Variants in DNAJB5 observed in about 807,000 individuals in gnomAD.
DNAJB5 encodes the protein dnaJ homolog subfamily B member 5.
A neutral mutation model predicts 32.6 loss-of-function variants in DNAJB5; 12 were observed. The ratio of observed to expected loss-of-function variants is 0.37; its 90% CI spans 0.24 to 0.60. DNAJB5 has a LOEUF of 0.60. Ranked by LOEUF, DNAJB5 falls within the 20% of genes least tolerant of loss-of-function variation. The pLI, the probability that DNAJB5 is intolerant of heterozygous loss-of-function variation, is 0.71. For missense variants in DNAJB5, 358 were observed against 554.2 expected, an observed-to-expected ratio of 0.65 and a Z score of 3.55; for synonymous variants, 188 against 212.9, an observed-to-expected ratio of 0.88 and a Z score of 1.02.
chr9:34,994,012 C>G (rs920210775), intron 3 of DNAJB5, among the ~76,000 whole-genome samples: 9 of 152,184 alleles, frequency 5.9e-5, no homozygotes, highest in Non-Finnish European at 1.0e-4. Context: ...GGCATCTTCC[C>G]CCTTCCCTGG....
In DNAJB5 at chr9:34,996,868, TG is replaced by T; in HGVS notation, c.1029+6del. 3 of 1,603,164 alleles carry T rather than the reference TG, an allele frequency of 1.9e-6. No homozygotes were observed. The highest frequency in any genetic ancestry group is 2.6e-6 in the Non-Finnish European group (3 of 1,174,316). On this transcript the variant is annotated splice_donor_region_variant and intron_variant, in intron 4 of 4. Coordinates refer to ENST00000682809, the MANE Select transcript of DNAJB5 (RefSeq NM_001349723.3). The surrounding 1 kb of genome is among the most constrained non-coding windows in gnomAD (Gnocchi z 7.2). ...AGTGCCCTGATCAGCCTCAAGGAGGTGGGGCCTAGTCAGGCTGTGTGTGTGT... is the reference window on the plus strand; with the variant it reads ...AGTGCCCTGATCAGCCTCAAGGAGGTGGGCCTAGTCAGGCTGTGTGTGTGT...
chr9:34,997,028 G>T lies in DNAJB5; in HGVS notation c.1032G>T (p.Ala344=), dbSNP rs759476433. 3 of 1,612,328 alleles carry T rather than the reference G, an allele frequency of 1.9e-6. No homozygotes were observed. The highest frequency in any genetic ancestry group is 1.7e-5 in the Admixed American group (1 of 60,022). ...LYSALISLKE[A]LCGCTVNIPT... is the part of the protein sequence containing the mutation. ...ACTTTCTGCTTCGTCTTTCCCAGGC[G>T]CTGTGTGGCTGCACTGTGAACATTC... The change falls in exon 5 of 5, where the codon GCG becomes GCT. Residue 344 remains alanine (A), a splice_region_variant and synonymous_variant. Coordinates refer to ENST00000682809, the MANE Select transcript of DNAJB5 (RefSeq NM_001349723.3). The surrounding 1 kb of genome is among the most constrained non-coding windows in gnomAD (Gnocchi z 4.1).
rs1258234716 is a variant in DNAJB5 at position 34,997,912 on chromosome 9, A to C, written c.*653A>C. The stretch of plus-strand genomic sequence containing the variant: ...CCTCCGTAACAGCTGCCCTGCCTAC[A>C]CCTGCAGAGCTGGAGGTTCTGTCCT... On this transcript the variant is annotated 3_prime_UTR_variant, in exon 5 of 5. Coordinates refer to ENST00000682809, the MANE Select transcript of DNAJB5 (RefSeq NM_001349723.3). This position sits in a 1 kb window ranked among gnomAD's most constrained non-coding sequence, Gnocchi z 4.1. The C allele has an allele frequency of 1.1e-5, 2 of 180,890 alleles. No homozygotes were observed. The highest frequency in any genetic ancestry group is 1.2e-5 in the Non-Finnish European group (1 of 84,566). 11.2% of individuals were successfully genotyped at this position (180,890 alleles called of 1,614,324 possible). A position where few individuals can be genotyped will look rare whatever the true frequency, so the allele number is the denominator to read the frequency against.
chr9:34,992,956 C>A, intron 2 of DNAJB5: 1 of 1,353,478 alleles, frequency 7.4e-7, no homozygotes, highest in Non-Finnish European at 9.5e-7. Context: ...TGGGCCACAA[C>A]CTTCAGCTTC....
At position 34,990,377 on chromosome 9, in the gene DNAJB5, C is replaced by A. The variant is rs1372523727; in HGVS notation, c.-132-122C>A. 21 of 1,516,664 alleles carry A rather than the reference C, an allele frequency of 1.4e-5. No individual in the cohort carries two copies. The highest frequency in any genetic ancestry group is 1.8e-5 in the Non-Finnish European group (21 of 1,135,474). The allele number at this position is 1,516,664 out of a possible 1,614,324, so 94.0% of individuals were successfully genotyped here. A position where few individuals can be genotyped will look rare whatever the true frequency, so the allele number is the denominator to read the frequency against. ...ACACGCTGCCACTCACAAACACACG[C>A]TTGCACTCCCAGCCTCACTGACACG... On this transcript the variant is annotated intron_variant, in intron 1 of 4. Transcript: ENST00000682809. This position sits in a 1 kb window ranked among gnomAD's most constrained non-coding sequence, Gnocchi z 4.5.
At position 34,996,872 on chromosome 9, in the gene DNAJB5, G is replaced by A. The variant is rs774310579; in HGVS notation, c.1029+6G>A. 8 of 1,600,910 alleles carry A rather than the reference G, an allele frequency of 5.0e-6. No individual in the cohort carries two copies. In the East Asian group the frequency reaches 1.1e-4, roughly 22 times the overall value. On this transcript the variant is annotated splice_donor_region_variant and intron_variant, in intron 4 of 4. Coordinates refer to ENST00000682809, the MANE Select transcript of DNAJB5 (RefSeq NM_001349723.3). This position sits in a 1 kb window ranked among gnomAD's most constrained non-coding sequence, Gnocchi z 7.2. ...CCCTGATCAGCCTCAAGGAGGTGGGGCCTAGTCAGGCTGTGTGTGTGTGCT... is the reference window on the plus strand; with the variant it reads ...CCCTGATCAGCCTCAAGGAGGTGGGACCTAGTCAGGCTGTGTGTGTGTGCT...
rs371772042 is a variant in DNAJB5 at position 34,993,478 on chromosome 9, C to T, written c.427+34C>T. 1.6e-4 allele frequency: 254 copies of T among 1,587,370 alleles called. 1 individual carries two copies. The highest frequency in any genetic ancestry group is 6.7e-5 in the East Asian group (3 of 44,718). On this transcript the variant is annotated intron_variant, in intron 3 of 4. Coordinates refer to ENST00000682809, the MANE Select transcript of DNAJB5 (RefSeq NM_001349723.3). This position sits in a 1 kb window ranked among gnomAD's most constrained non-coding sequence, Gnocchi z 4.7. ...GCAGCACTCCAGCCCAATCCCGGACCCCTCCGCTTGGTAGGGGTCCCAGGT... is the reference window on the plus strand; with the variant it reads ...GCAGCACTCCAGCCCAATCCCGGACTCCTCCGCTTGGTAGGGGTCCCAGGT...
intron 2 of DNAJB5, chr9:34,992,820 G>A (rs765333046): frequency 1.0e-4 from 110 of 1,052,886 alleles, no homozygotes; most frequent in Non-Finnish European, 1.2e-4. Flanking sequence ...GACCTCACCC[G>A]TTACACTGAC....
chr9:34,992,985 AG>A, intron 2 of DNAJB5: 1 of 1,392,336 alleles, frequency 7.2e-7, no homozygotes, highest in South Asian at 1.6e-5. Flanking sequence ...AAAACCCAGG[AG>A]GTGAGGACGG....
downstream of DNAJB5, chr9:34,998,855 C>T (rs1418376590): frequency 6.9e-6 from 1 of 144,574 alleles, no homozygotes; most frequent in Non-Finnish European, 1.5e-5. Flanking sequence ...TGCTCTGTCG[C>T]CCAGGCTGGA....
intron 2 of DNAJB5, chr9:34,992,686 T>C (rs1277183698): frequency 2.9e-6 from 2 of 682,394 alleles, no homozygotes; most frequent in South Asian, 1.2e-4. Context: ...CCTGACTCAG[T>C]CTGGCTGGCC....
At chr9:34,994,898 C>T (rs1184331414) in intron 3 of DNAJB5, among the ~76,000 whole-genome samples, 1 of 152,188 alleles carries the variant, frequency 6.6e-6, no homozygotes, top group Admixed American at 6.5e-5. Flanking sequence ...GTTATACACA[C>T]AGACTCTGTG....
intron 2 of DNAJB5, chr9:34,991,116 C>T (rs1260346473): frequency 2.2e-6 from 1 of 455,312 alleles, no homozygotes; most frequent in Non-Finnish European, 4.1e-6. Flanking sequence ...TGTCACTCAT[C>T]CCCCTCCATC....
Position 34,990,407 on chromosome 9 carries a change from C to T in DNAJB5, c.-132-92C>T. The stretch of plus-strand genomic sequence containing the variant: ...ACTCCCAGCCTCACTGACACGCTGC[C>T]ATACAGCCGCTCACAGCCAGCCAGA... On this transcript the variant is annotated intron_variant, in intron 1 of 4. Transcript: ENST00000682809. This position sits in a 1 kb window ranked among gnomAD's most constrained non-coding sequence, Gnocchi z 4.5. 1 of 1,528,838 alleles carries T rather than the reference C, an allele frequency of 6.5e-7. No individual in the cohort carries two copies. The allele number at this position is 1,528,838 out of a possible 1,614,324, so 94.7% of individuals were successfully genotyped here. A position where few individuals can be genotyped will look rare whatever the true frequency, so the allele number is the denominator to read the frequency against.
chr9:34,997,260 G>T lies in DNAJB5; in HGVS notation c.*1G>T, dbSNP rs373116154. 66 of 1,613,850 alleles carry T rather than the reference G, an allele frequency of 4.1e-5. No homozygotes were observed. The highest frequency in any genetic ancestry group is 3.3e-4 in the Middle Eastern group (2 of 6,084). On this transcript the variant is annotated 3_prime_UTR_variant, in exon 5 of 5. Transcript: ENST00000682809. This position sits in a 1 kb window ranked among gnomAD's most constrained non-coding sequence, Gnocchi z 4.1. ...TAAGCAGCACCTACCCTGTTCCTAG[G>T]CTCTGCCCCAGCCAGTCCAGAGCCT... is the stretch of plus-strand genomic sequence containing the variant.
Position 34,996,675 on chromosome 9 carries a change from G to C in DNAJB5, c.838G>C (p.Asp280His). The C allele has an allele frequency of 6.2e-7, 1 of 1,614,118 alleles. No homozygotes were observed. The highest frequency in any genetic ancestry group is 8.5e-7 in the Non-Finnish European group (1 of 1,180,022). ...NPDGRTVRTE[D>H]KILHIVIKRG... Reference sequence around the variant, plus strand: ...TGATGGGCGAACTGTGCGCACCGAGGACAAGATCCTGCACATAGTCATCAA... The same window carrying C: ...TGATGGGCGAACTGTGCGCACCGAGCACAAGATCCTGCACATAGTCATCAA... Residue 280 changes from aspartate to histidine, a missense_variant, in exon 4 of 5, where the codon GAC (aspartate) becomes CAC (histidine). By Grantham distance (81) the Asp-to-His change is moderately conservative (BLOSUM62 -1). Coordinates refer to ENST00000682809, the MANE Select transcript of DNAJB5 (RefSeq NM_001349723.3). This position sits in a 1 kb window ranked among gnomAD's most constrained non-coding sequence, Gnocchi z 7.2.
In DNAJB5 at chr9:34,990,837, TCACACCCATA is replaced by T; in HGVS notation, c.182+27_182+36del. The T allele has an allele frequency of 6.5e-7, 1 of 1,538,430 alleles. No individual in the cohort carries two copies. The highest frequency in any genetic ancestry group is 8.8e-7 in the Non-Finnish European group (1 of 1,140,892). ...GGTAAGTCCCTCCGGAGAAGGGCAC[TCACACCCATA>T]CCCAGTCAAACCCTCCACGCGGCCA... On this transcript the variant is annotated intron_variant, in intron 2 of 4. Transcript: ENST00000682809. This position sits in a 1 kb window ranked among gnomAD's most constrained non-coding sequence, Gnocchi z 4.5.
chr9:34,990,702 G>C lies in DNAJB5; in HGVS notation c.72G>C (p.Arg24=). 6.4e-7 allele frequency: 1 copy of C among 1,551,722 alleles called. No individual in the cohort carries two copies. The highest frequency in any genetic ancestry group is 8.7e-7 in the Non-Finnish European group (1 of 1,146,990). Residue 24 remains arginine (R), a synonymous_variant, in exon 2 of 5, where the codon CGG becomes CGC. Coordinates refer to ENST00000682809, the MANE Select transcript of DNAJB5 (RefSeq NM_001349723.3). The surrounding 1 kb of genome is among the most constrained non-coding windows in gnomAD (Gnocchi z 4.5). ...APPLQARGAF[R]SFPHSWGEDF... ...CACTGCAGGCCCGAGGAGCTTTCCGGAGCTTCCCACACTCCTGGGGAGAAG... is the reference window on the plus strand; with the variant it reads ...CACTGCAGGCCCGAGGAGCTTTCCGCAGCTTCCCACACTCCTGGGGAGAAG...
intron 2 of DNAJB5, chr9:34,991,172 A>G (rs1827618116): frequency 2.4e-6 from 1 of 415,882 alleles, no homozygotes; most frequent in South Asian, 1.9e-5. Context: ...CTGTACCTCA[A>G]CAGTCCCCCT....
Sources: gnomAD v4.1 joint callset for allele counts (sites outside exome capture counted in the v4.1 genomes callset) on GRCh38, gnomAD v4.1.1 for gene constraint, Gnocchi (gnomAD v3.1) non-coding constraint, MANE v1.5 for transcripts, NCBI Gene and HGNC (gene_info 2026-07-23, HGNC 2026-07-21) for gene names.